Variants in DECR1 observed in about 807,000 individuals in gnomAD.
DECR1 encodes the protein 2,4-dienoyl-CoA reductase 1.
In DECR1, 44 loss-of-function variants were observed where a neutral mutation model predicts 38.8. The observed-to-expected ratio is 1.13, with a 90% CI of 0.89 to 1.46. The LOEUF is 1.46. Among genes scored for constraint, DECR1 ranks in the 40% most tolerant of loss-of-function variants. The probability of loss-of-function intolerance (pLI) is 0.00; values close to 1 mark genes in which losing one functional copy is unlikely to be tolerated. For synonymous variants in DECR1, 148 were observed against 135.2 expected (o/e 1.09, Z -0.66); for missense variants, 428 against 405.5 (o/e 1.06, Z -0.48).
chr8:90,015,413 G>C (rs1348876834), intron 1 of DECR1: 6 of 306,572 alleles, frequency 2.0e-5, no homozygotes, highest in Non-Finnish European at 3.9e-5. Flanking sequence ...ACTACTTACT[G>C]TTGTTATTTC....
At chr8:90,005,550 C>T in intron 1 of DECR1, 3 of 420,256 alleles carry the variant, frequency 7.1e-6, no homozygotes, top group South Asian at 5.2e-5. Context: ...GGCGGACTTA[C>T]ATAACTCTGG....
At chr8:90,029,966 A>G (rs902816026) in intron 5 of DECR1, among the ~76,000 whole-genome samples, 2 of 152,110 alleles carry the variant, frequency 1.3e-5, no homozygotes, top group African/African-American at 2.4e-5. Flanking sequence ...ACTTTAGCAC[A>G]GTGGTCCCCA....
At chr8:90,021,249 A>G (rs186276980) in intron 5 of DECR1, among the ~76,000 whole-genome samples, 193 bp downstream of exon 5, 3 of 152,360 alleles carry the variant, frequency 2.0e-5, no homozygotes, top group African/African-American at 7.2e-5. Flanking sequence ...TTTCAAGTGC[A>G]TTGGCAATCC....
At chr8:90,003,508 A>G (rs1291618106) in intron 1 of DECR1, among the ~76,000 whole-genome samples, 1 of 152,224 alleles carries the variant, frequency 6.6e-6, no homozygotes, top group Non-Finnish European at 1.5e-5. Context: ...GAAAACATTC[A>G]GTCATTCAGT....
At chr8:90,032,839 T>C (rs1372795462) in intron 5 of DECR1, among the ~76,000 whole-genome samples, 1 of 152,184 alleles carries the variant, frequency 6.6e-6, no homozygotes, top group Non-Finnish European at 1.5e-5. Context: ...ATTCTGGTGA[T>C]GTTTCCTAAC....
intron 4 of DECR1, among the ~76,000 whole-genome samples, chr8:90,020,622 C>T (rs1469606281): frequency 8.5e-5 from 13 of 152,106 alleles, no homozygotes. Context: ...TTGAACTCAT[C>T]CCAAAGTGCT....
chr8:90,048,943 T>C (rs566886029), intron 8 of DECR1, among the ~76,000 whole-genome samples: 2 of 152,246 alleles, frequency 1.3e-5, no homozygotes, highest in African/African-American at 2.4e-5. Context: ...AAAAACCACA[T>C]GATTATCTCA....
At chr8:90,023,264 G>A (rs1046768606) in intron 5 of DECR1, among the ~76,000 whole-genome samples, 1 of 152,150 alleles carries the variant, frequency 6.6e-6, no homozygotes, top group African/African-American at 2.4e-5. Context: ...TATTGCAAAT[G>A]GCACTGTTTT....
intron 8 of DECR1, among the ~76,000 whole-genome samples, chr8:90,050,618 A>AT (rs1814053107): frequency 6.6e-6 from 1 of 152,228 alleles, no homozygotes; most frequent in Non-Finnish European, 1.5e-5. Context: ...CAGTGTGGTG[A>AT]TTCCTCAAGG....
At chr8:90,035,317 C>G (rs1351502174) in intron 5 of DECR1, among the ~76,000 whole-genome samples, 1 of 151,588 alleles carries the variant, frequency 6.6e-6, no homozygotes, top group Non-Finnish European at 1.5e-5. Context: ...GTGACTCTAA[C>G]TATACGTTTG....
At chr8:90,010,398 C>T (rs1303577769) in intron 1 of DECR1, among the ~76,000 whole-genome samples, 2 of 152,198 alleles carry the variant, frequency 1.3e-5, no homozygotes, top group African/African-American at 4.8e-5. Flanking sequence ...TACCAGATAC[C>T]TCCAGCTAAG....
chr8:90,038,667 A>T (rs1315777190), intron 6 of DECR1, among the ~76,000 whole-genome samples: 1 of 152,042 alleles, frequency 6.6e-6, no homozygotes, highest in Admixed American at 6.6e-5. Flanking sequence ...CCATTAACGT[A>T]ACATTAAACA....
chr8:90,021,259 C>T (rs1180586140), intron 5 of DECR1, among the ~76,000 whole-genome samples: 1 of 152,144 alleles, frequency 6.6e-6, no homozygotes, highest in African/African-American at 2.4e-5. Flanking sequence ...ATTGGCAATC[C>T]AGAGACAGGA....
intron 1 of DECR1, among the ~76,000 whole-genome samples, chr8:90,014,345 G>A (rs186341085): frequency 1.5e-3 from 228 of 152,228 alleles, no homozygotes; most frequent in Non-Finnish European, 8.8e-4. Context: ...CATCTCAATG[G>A]GTCTTAAGGT....
intron 1 of DECR1, among the ~76,000 whole-genome samples, chr8:90,013,767 C>T (rs1275062055): frequency 6.6e-6 from 1 of 152,116 alleles, no homozygotes; most frequent in Non-Finnish European, 1.5e-5. Flanking sequence ...GATATTTACC[C>T]TAGACATTTT....
intron 5 of DECR1, among the ~76,000 whole-genome samples, chr8:90,030,686 T>C (rs758398324): frequency 1.3e-5 from 2 of 152,230 alleles, no homozygotes; most frequent in African/African-American, 4.8e-5. Flanking sequence ...GCTTTCCTTA[T>C]TCGTCAGTAG....
chr8:90,038,475 T>TTTTA (rs1813670201), intron 6 of DECR1, among the ~76,000 whole-genome samples: 1 of 142,172 alleles, frequency 7.0e-6, no homozygotes, highest in Non-Finnish European at 1.5e-5. Context: ...TTTTTTTTTT[T>TTTTA]GAGACGGAGT....
chr8:90,032,733 A>G (rs1813528583), intron 5 of DECR1, among the ~76,000 whole-genome samples: 3 of 152,146 alleles, frequency 2.0e-5, no homozygotes, highest in Admixed American at 6.6e-5. Context: ...GCACTGCTCA[A>G]CCATGTGTAG....
rs142212650 is a variant in DECR1 at position 90,033,038 on chromosome 8, C to T, written c.566-3803C>T. 9.6e-3 allele frequency among the ~76,000 whole-genome samples: 1,456 copies of T among 152,220 alleles called. 26 individuals are homozygous for T. The highest frequency in any genetic ancestry group is 0.034 in the African/African-American group (1,406 of 41,560). On this transcript the variant is annotated intron_variant, in intron 5 of 9. Coordinates refer to ENST00000220764, the MANE Select transcript of DECR1 (RefSeq NM_001359.2). ...AAATCTAGGGTCCAGAGCAGGGATGCGACTTCCCCAGTCTCATAGCTACAC... is the reference window on the plus strand; with the variant it reads ...AAATCTAGGGTCCAGAGCAGGGATGTGACTTCCCCAGTCTCATAGCTACAC...
Sources: gnomAD v4.1 joint callset for allele counts (sites outside exome capture counted in the v4.1 genomes callset) on GRCh38, gnomAD v4.1.1 for gene constraint, MANE v1.5 for transcripts, NCBI Gene and HGNC (gene_info 2026-07-23, HGNC 2026-07-21) for gene names.